Variants in TMPRSS11D observed in about 807,000 individuals in gnomAD.
TMPRSS11D encodes the protein transmembrane serine protease 11D, also known as transmembrane protease serine 11D.
TMPRSS11D carries 32 observed loss-of-function variants against 44.4 expected under a neutral mutation model. The ratio of observed to expected loss-of-function variants is 0.72; its 90% CI spans 0.54 to 0.97. The LOEUF is 0.97. TMPRSS11D is among the 50% of genes least tolerant of loss of function. The pLI, the probability that TMPRSS11D is intolerant of heterozygous loss-of-function variation, is 0.00. For synonymous variants in TMPRSS11D, 179 were observed against 177.9 expected (o/e 1.01, Z -0.05); for missense variants, 446 against 502.6 (o/e 0.89, Z 1.08).
At chr4:67,876,553 A>G (rs896652719) in intron 1 of TMPRSS11D, among the ~76,000 whole-genome samples, 6 of 152,196 alleles carry the variant, frequency 3.9e-5, no homozygotes, top group Admixed American at 6.5e-5. Flanking sequence ...GAATCATAGC[A>G]TGTTAGCAAT....
chr4:67,874,438 C>T (rs1285530536), intron 1 of TMPRSS11D, among the ~76,000 whole-genome samples: 1 of 151,960 alleles, frequency 6.6e-6, no homozygotes, highest in East Asian at 1.9e-4. Flanking sequence ...AAAATGTGTC[C>T]CAAAGTGGTG....
intron 1 of TMPRSS11D, among the ~76,000 whole-genome samples, chr4:67,877,605 C>A (rs573088151): frequency 2.6e-5 from 4 of 152,276 alleles, no homozygotes; most frequent in Middle Eastern, 3.4e-3. Context: ...TTCTCACAAC[C>A]TTCCTTTGCC....
At chr4:67,836,456 GT>G (rs886071160) in intron 5 of TMPRSS11D, among the ~76,000 whole-genome samples, 3 of 152,136 alleles carry the variant, frequency 2.0e-5, no homozygotes, top group African/African-American at 7.2e-5. Flanking sequence ...CCCACTAAAA[GT>G]TTCACAAGGT....
chr4:67,842,745 C>A, intron 3 of TMPRSS11D, 120 bp from the exon 4 acceptor site: 2 of 863,844 alleles, frequency 2.3e-6, no homozygotes, highest in South Asian at 1.6e-5. Context: ...CACTTTAGTT[C>A]AACCTAATTC....
chr4:67,883,760 T>C (rs1235491324), intron 1 of TMPRSS11D, among the ~76,000 whole-genome samples, 166 bp downstream of exon 1: 1 of 152,098 alleles, frequency 6.6e-6, no homozygotes, highest in African/African-American at 2.4e-5. Flanking sequence ...GAAAATAATA[T>C]CAAGCATATT....
At chr4:67,845,908 A>T (rs953717905) in intron 3 of TMPRSS11D, among the ~76,000 whole-genome samples, 2 of 152,186 alleles carry the variant, frequency 1.3e-5, no homozygotes, top group Non-Finnish European at 2.9e-5. Context: ...TGCACACAGG[A>T]TATCTATAAT....
rs1270370800 is a variant in TMPRSS11D at position 67,822,398 on chromosome 4, G to A, written c.1196C>T (p.Pro399Leu). The stretch of plus-strand genomic sequence containing the variant: ...GGCTGTCACTCGAGTATACACTCCT[G>A]GCTTATCCGGCAGGCCACACTGATC... Reference protein sequence around the residue: ...WGDQCGLPDKPGVYTRVTAYL... With the variant: ...WGDQCGLPDKLGVYTRVTAYL... Residue 399 changes from proline to leucine, a missense_variant, in exon 10 of 10, where the codon CCA (proline) becomes CTA (leucine). Physicochemically the swap from Pro to Leu is moderately conservative, Grantham distance 98. Transcript: ENST00000283916. 1 of 1,613,856 alleles carries A rather than the reference G, an allele frequency of 6.2e-7. No individual in the cohort carries two copies. Among genetic ancestry groups the A allele is most frequent in the East Asian group, 2.2e-5 (1 of 44,866 alleles).
chr4:67,872,748 A>G (rs889554657), intron 1 of TMPRSS11D, among the ~76,000 whole-genome samples: 1 of 152,182 alleles, frequency 6.6e-6, no homozygotes, highest in East Asian at 1.9e-4. Context: ...GACTCAGCCC[A>G]TTCAGTTCAG....
intron 5 of TMPRSS11D, among the ~76,000 whole-genome samples, chr4:67,836,009 G>A (rs542197417): frequency 1.3e-5 from 2 of 152,194 alleles, no homozygotes; most frequent in South Asian, 2.1e-4. Context: ...AACTCAGTGG[G>A]ACCCAACTTT....
At chr4:67,874,269 T>C (rs1719129432) in intron 1 of TMPRSS11D, among the ~76,000 whole-genome samples, 1 of 151,882 alleles carries the variant, frequency 6.6e-6, no homozygotes, top group South Asian at 2.1e-4. Flanking sequence ...CTCAGAATGT[T>C]TCCCTGTCAA....
intron 2 of TMPRSS11D, among the ~76,000 whole-genome samples, chr4:67,854,817 T>C (rs898423189): frequency 6.6e-6 from 1 of 152,242 alleles, no homozygotes; most frequent in East Asian, 1.9e-4. Context: ...AATGGCTTTA[T>C]TGCTATTCTA....
At chr4:67,837,973 T>C in intron 5 of TMPRSS11D, 199 bp downstream of exon 5, 1 of 419,556 alleles carries the variant, frequency 2.4e-6, no homozygotes, top group East Asian at 3.9e-5. Flanking sequence ...AAATTTACTA[T>C]ATAAATGCCA....
intron 9 of TMPRSS11D, among the ~76,000 whole-genome samples, chr4:67,823,915 C>T (rs563239956): frequency 6.6e-6 from 1 of 152,182 alleles, no homozygotes; most frequent in Admixed American, 6.6e-5. Flanking sequence ...TGTAATTTTT[C>T]CATATCTAGC....
At chr4:67,867,028 A>T (rs1718941696) in intron 1 of TMPRSS11D, among the ~76,000 whole-genome samples, 1 of 152,154 alleles carries the variant, frequency 6.6e-6, no homozygotes, top group South Asian at 2.1e-4. Context: ...AGCCAAAGCA[A>T]TTCTAAGCAA....
intron 1 of TMPRSS11D, among the ~76,000 whole-genome samples, chr4:67,877,313 G>T (rs1719215230): frequency 6.6e-6 from 1 of 152,090 alleles, no homozygotes; most frequent in South Asian, 2.1e-4. Flanking sequence ...AAATTTTTGT[G>T]TGCGTAAGAA....
chr4:67,878,601 C>CAATG (rs534436150), intron 1 of TMPRSS11D, among the ~76,000 whole-genome samples: 19 of 152,192 alleles, frequency 1.2e-4, no homozygotes, highest in Non-Finnish European at 2.6e-4. Flanking sequence ...ATTAGACACT[C>CAATG]AATGAATGAA....
At chr4:67,822,545 C>T in intron 9 of TMPRSS11D, 47 bp from the exon 10 acceptor site, 1 of 1,603,896 alleles carries the variant, frequency 6.2e-7, no homozygotes, top group Non-Finnish European at 8.5e-7. Flanking sequence ...AAGACAAACC[C>T]AAAATATTAA....
intron 2 of TMPRSS11D, 52 bp from the exon 3 acceptor site, chr4:67,854,238 CCTT>C: frequency 1.0e-6 from 1 of 965,034 alleles, no homozygotes; most frequent in Non-Finnish European, 1.6e-6. Context: ...AGTTGTTGAA[CCTT>C]TAATTTATTC....
chr4:67,875,030 A>G (rs532573937), intron 1 of TMPRSS11D, among the ~76,000 whole-genome samples: 2 of 152,202 alleles, frequency 1.3e-5, no homozygotes, highest in Non-Finnish European at 2.9e-5. Flanking sequence ...CTTGCATTCA[A>G]TCCCTTCTGA....
Sources: allele counts gnomAD v4.1 joint callset (sites outside exome capture counted in the v4.1 genomes callset), GRCh38; gene constraint gnomAD v4.1.1; transcripts MANE v1.5; gene names NCBI Gene and HGNC (gene_info 2026-07-23, HGNC 2026-07-21).